The following SYTL5 variants were observed in gnomAD, a reference collection of about 807,000 sequenced individuals.
SYTL5 encodes the protein synaptotagmin like 5.
SYTL5 carries 34 observed loss-of-function variants against 55.9 expected under a neutral mutation model. That is an observed-to-expected ratio of 0.61 (90% CI 0.46 to 0.81). The LOEUF is 0.81. Ranked by LOEUF, SYTL5 falls within the 30% of genes least tolerant of loss-of-function variation. SYTL5 has a pLI of 0.00. For synonymous variants in SYTL5, 221 were observed against 188.7 expected (o/e 1.17, Z -1.40); for missense variants, 637 against 546.7 (o/e 1.17, Z -1.65).
intron 9 of SYTL5, among the ~76,000 whole-genome samples, chrX:38,098,633 G>C (rs1937001216): frequency 9.0e-6 from 1 of 110,766 alleles, no homozygotes; most frequent in African/African-American, 3.3e-5. Context: ...CCGTAAAAGA[G>C]TTTGGCAATT....
intron 3 of SYTL5, among the ~76,000 whole-genome samples, chrX:38,066,959 A>G (rs1987305152): frequency 8.9e-6 from 1 of 111,812 alleles, no homozygotes; most frequent in Non-Finnish European, 1.9e-5. Context: ...GATACCGTAT[A>G]TAAAGTGACT....
chrX:37,893,358 C>A, the SYTL5 span, among the ~76,000 whole-genome samples: 1 of 97,536 alleles, frequency 1.0e-5, no homozygotes, highest in Non-Finnish European at 2.0e-5. Context: ...ATATAACATA[C>A]TACACTATAT....
intron 2 of SYTL5, among the ~76,000 whole-genome samples, chrX:38,043,702 T>TAC (rs1555924894): frequency 0.013 from 1,179 of 89,558 alleles, 17 homozygotes; most frequent in Middle Eastern, 0.025. Flanking sequence ...CATATATATA[T>TAC]ACATATTTTC....
intron 3 of SYTL5, among the ~76,000 whole-genome samples, chrX:38,060,761 T>C (rs1461015764): frequency 8.9e-6 from 1 of 112,348 alleles, no homozygotes; most frequent in Non-Finnish European, 1.9e-5. Flanking sequence ...AGATGTAACA[T>C]AAGTTGTTGT....
At chrX:37,963,189 A>G in the SYTL5 span, among the ~76,000 whole-genome samples, 18 of 111,815 alleles carry the variant, frequency 1.6e-4, no homozygotes, top group East Asian at 1.4e-3. Context: ...ATGCTATTGT[A>G]AATGGGATTG....
At chrX:38,018,531 C>T (rs915272968) in intron 1 of SYTL5, among the ~76,000 whole-genome samples, 4 of 111,103 alleles carry the variant, frequency 3.6e-5, no homozygotes, top group Non-Finnish European at 7.5e-5. Flanking sequence ...GTATCCGGAC[C>T]TCAACATATC....
chrX:37,905,960 GGA>G, the SYTL5 span, among the ~76,000 whole-genome samples: 1 of 113,459 alleles, frequency 8.8e-6, no homozygotes, highest in East Asian at 2.8e-4. Flanking sequence ...CTGGGGGTGG[GGA>G]GGGAGAGGGG....
chrX:37,892,513 T>C, the SYTL5 span, among the ~76,000 whole-genome samples: 3 of 99,853 alleles, frequency 3.0e-5, no homozygotes, highest in African/African-American at 1.1e-4. Flanking sequence ...GTATAGTATG[T>C]TATATATACA....
At chrX:37,945,197 C>T in the SYTL5 span, among the ~76,000 whole-genome samples, 1 of 111,887 alleles carries the variant, frequency 8.9e-6, no homozygotes, top group African/African-American at 3.3e-5. Flanking sequence ...TTTCATGGAG[C>T]AAGTTTGTTG....
At chrX:38,054,469 G>C (rs1393706333) in intron 3 of SYTL5, 47 bp downstream of exon 3, 2 of 1,102,348 alleles carry the variant, frequency 1.8e-6, no homozygotes, top group Non-Finnish European at 2.5e-6. Context: ...ATGACTGAAG[G>C]GATTGGAGTG....
the SYTL5 span, among the ~76,000 whole-genome samples, chrX:37,890,609 A>G: frequency 8.9e-6 from 1 of 111,774 alleles, no homozygotes; most frequent in Non-Finnish European, 1.9e-5. Flanking sequence ...ATATTCCCAA[A>G]TGTATGTTGG....
the SYTL5 span, among the ~76,000 whole-genome samples, chrX:37,935,504 T>C: frequency 8.9e-6 from 1 of 112,765 alleles, no homozygotes; most frequent in Non-Finnish European, 1.9e-5. Context: ...TCCTCTTTGA[T>C]TTAAAAGGCA....
chrX:38,105,299 G>A (rs943961268), intron 10 of SYTL5, among the ~76,000 whole-genome samples: 1 of 112,783 alleles, frequency 8.9e-6, no homozygotes, highest in African/African-American at 3.2e-5. Context: ...GTTGAGGACC[G>A]GCACCCCTGA....
the SYTL5 span, among the ~76,000 whole-genome samples, chrX:37,999,702 G>A: frequency 1.6e-4 from 18 of 111,965 alleles, no homozygotes; most frequent in African/African-American, 5.8e-4. Flanking sequence ...TATTTCAAAG[G>A]TCTTCTTGAG....
chrX:37,894,398 C>CA, the SYTL5 span, among the ~76,000 whole-genome samples: 5 of 111,566 alleles, frequency 4.5e-5, no homozygotes, highest in Non-Finnish European at 9.4e-5. Flanking sequence ...TGGAAGTGTA[C>CA]ATATTTACAC....
At chrX:37,895,506 T>TTC in the SYTL5 span, among the ~76,000 whole-genome samples, 14 of 75,827 alleles carry the variant, frequency 1.8e-4, no homozygotes, top group African/African-American at 1.9e-3. Flanking sequence ...CTTTCTTTCT[T>TTC]TTTCTTTTCT....
intron 15 of SYTL5, among the ~76,000 whole-genome samples, chrX:38,123,651 C>T (rs1231174304): frequency 8.9e-6 from 1 of 112,189 alleles, no homozygotes; most frequent in Non-Finnish European, 1.9e-5. Flanking sequence ...GGAGATGACT[C>T]CCAACCCGTG....
intron 5 of SYTL5, among the ~76,000 whole-genome samples, chrX:38,075,692 T>C (rs1569178199): frequency 8.9e-6 from 1 of 112,046 alleles, no homozygotes. Flanking sequence ...TCAGATGCTT[T>C]GACAATGACA....
At chrX:38,117,891 C>A (rs1185909447) in intron 13 of SYTL5, among the ~76,000 whole-genome samples, 1 of 111,564 alleles carries the variant, frequency 9.0e-6, no homozygotes, top group African/African-American at 3.3e-5. Flanking sequence ...AAGACCTGGA[C>A]CCCAAAACTG....
Sources: gnomAD v4.1 joint callset for allele counts (sites outside exome capture counted in the v4.1 genomes callset) on GRCh38, gnomAD v4.1.1 for gene constraint, MANE v1.5 for transcripts, NCBI Gene and HGNC (gene_info 2026-07-23, HGNC 2026-07-21) for gene names.